LMO7: variants seen among roughly 807,000 people sequenced by gnomAD.
LMO7 encodes the protein LIM domain only protein 7.
A neutral mutation model predicts 206.5 loss-of-function variants in LMO7; 120 were observed. That is an observed-to-expected ratio of 0.58 (90% CI 0.50 to 0.68). The LOEUF is 0.68. Ranked by LOEUF, LMO7 falls within the 30% of genes least tolerant of loss-of-function variation. LMO7 has a pLI of 0.00. For synonymous variants in LMO7, 706 were observed against 681.5 expected, an observed-to-expected ratio of 1.04 and a Z score of -0.56; for missense variants, 1,959 against 1,957.9, an observed-to-expected ratio of 1.00 and a Z score of -0.01.
Position 75,849,310 on chromosome 13 carries a change from A to G in LMO7, c.4364+18A>G. 6.3e-7 allele frequency: 1 copy of G among 1,593,586 alleles called. No individual in the cohort carries two copies. The highest frequency in any genetic ancestry group is 8.6e-7 in the Non-Finnish European group (1 of 1,161,522). On this transcript the variant is annotated intron_variant, in intron 27 of 30. Coordinates refer to ENST00000377534, the MANE Select transcript of LMO7 (RefSeq NM_001306080.2). Reference sequence around the variant, plus strand: ...ATGAGAAGGTGCGAGACATCTTAGGAATTGGTTTCTTGTCTTTACTGTGAG... The same window carrying G: ...ATGAGAAGGTGCGAGACATCTTAGGGATTGGTTTCTTGTCTTTACTGTGAG...
rs1461512446 is a variant in LMO7, at chr13:75,730,948, T to A, written c.210+3850T>A. Among the ~76,000 whole-genome samples the A allele has an allele frequency of 6.7e-5, 10 of 150,088 alleles. No individual in the cohort carries two copies. In the East Asian group the frequency reaches 7.8e-4, roughly 12 times the overall value. ...ATGTAGTTGAGCGGTTTTGAGTGAGTTTCTTAATCCTGAGTTCTAGTTTGA... is the reference window on the plus strand; with the variant it reads ...ATGTAGTTGAGCGGTTTTGAGTGAGATTCTTAATCCTGAGTTCTAGTTTGA... On this transcript the variant is annotated intron_variant, in intron 3 of 30. Transcript: ENST00000377534.
chr13:75,850,627 G>T (rs1453413069), intron 27 of LMO7, among the ~76,000 whole-genome samples: 1 of 152,170 alleles, frequency 6.6e-6, no homozygotes, highest in Non-Finnish European at 1.5e-5. Context: ...AGTGAGTTAA[G>T]ACAGTAACTC....
At chr13:75,635,931 T>C (rs2138918025), upstream of LMO7, 1 of 151,512 alleles carries the variant, frequency 6.6e-6, no homozygotes, top group Admixed American at 6.6e-5. Flanking sequence ...GGGAGGTTTC[T>C]TGGCCGGGAA....
rs116752994 is a variant in LMO7, at chr13:75,718,297, G to A, written c.140+5045G>A. Among the ~76,000 whole-genome samples, 648 of 152,304 alleles carry A rather than the reference G, an allele frequency of 4.3e-3. 2 individuals are homozygous for A. Among genetic ancestry groups the A allele is most frequent in the African/African-American group, 0.015 (630 of 41,554 alleles). On this transcript the variant is annotated intron_variant, in intron 2 of 30. Coordinates refer to ENST00000377534, the MANE Select transcript of LMO7 (RefSeq NM_001306080.2). ...CTAAAGACTCATTTCAAGTTTTGCA[G>A]AAGGTTTTTAATATTGTGGCCTTAA...
chr13:75,731,746 A>G (rs990002579), intron 3 of LMO7, among the ~76,000 whole-genome samples: 1 of 152,008 alleles, frequency 6.6e-6, no homozygotes, highest in African/African-American at 2.4e-5. Flanking sequence ...ACATTTTGGC[A>G]TGATTTTGTG....
chr13:75,778,637 G>T (rs538871433), intron 4 of LMO7, among the ~76,000 whole-genome samples: 1 of 152,320 alleles, frequency 6.6e-6, no homozygotes, highest in Non-Finnish European at 1.5e-5. Context: ...GTCGTTCCAG[G>T]CGTTTCACTT....
At position 75,718,035 on chromosome 13, in the gene LMO7, A is replaced by G. The variant is rs180966139; in HGVS notation, c.140+4783A>G. ...CCCAGCAATAGGCAAACAATGGTGT[A>G]AGGGTTCAAGTTCATAAAAATGAAT... On this transcript the variant is annotated intron_variant, in intron 2 of 30. Transcript: ENST00000377534. Among the ~76,000 whole-genome samples, 19 of 152,348 alleles carry G rather than the reference A, an allele frequency of 1.2e-4. No homozygotes were observed. The East Asian group carries it at 3.7e-3, about 29-fold the overall frequency.
rs750566497 is a variant in LMO7, at chr13:75,808,062, T to A, written c.1779T>A (p.Ile593=). The change falls in exon 10 of 31, where the codon ATT becomes ATA. Residue 593 remains isoleucine (I), a synonymous_variant. Transcript: ENST00000377534. ...QKKDDMLTRK[I]QSWKLGTTVP... ...AAGATGACATGCTGACACGTAAGAT[T>A]CAGTCCTGGAAACTGGGAACTACCG... 10 of 1,614,026 alleles carry A rather than the reference T, an allele frequency of 6.2e-6. No individual in the cohort carries two copies. The highest frequency in any genetic ancestry group is 8.5e-6 in the Non-Finnish European group (10 of 1,179,888).
intron 1 of LMO7, among the ~76,000 whole-genome samples, chr13:75,697,912 G>T (rs1292062890): frequency 1.3e-5 from 2 of 152,160 alleles, no homozygotes; most frequent in Non-Finnish European, 2.9e-5. Flanking sequence ...AACTGTTTCT[G>T]CAAGTTGTTT....
chr13:75,778,190 C>G (rs2050788770), intron 4 of LMO7, among the ~76,000 whole-genome samples: 1 of 152,102 alleles, frequency 6.6e-6, no homozygotes, highest in South Asian at 2.1e-4. Context: ...CTACTTGAAA[C>G]ATTTTGTTCT....
intron 1 of LMO7, among the ~76,000 whole-genome samples, chr13:75,689,776 G>C (rs1342985934): frequency 6.6e-6 from 1 of 152,190 alleles, no homozygotes; most frequent in Non-Finnish European, 1.5e-5. Flanking sequence ...TGGCTCTCGG[G>C]CCTTCAGCCA....
In LMO7 at chr13:75,696,358, A is replaced by AAAC. The variant is rs1566319707; in HGVS notation, c.70-16822_70-16821insCAA. ...CGACAGAGTGAGACTCCATCTCAAA[A>AAAC]AAACAAACAAACAAACAAACAAACA... is the stretch of plus-strand genomic sequence containing the variant. On this transcript the variant is annotated intron_variant, in intron 1 of 30. Transcript: ENST00000377534. Among the ~76,000 whole-genome samples the AAAC allele has an allele frequency of 4.6e-3, 629 of 137,978 alleles. 5 individuals carry two copies. Among genetic ancestry groups the AAAC allele is most frequent in the African/African-American group, 0.016 (543 of 34,416 alleles). The allele number at this position is 137,978 out of a possible 152,430, so 90.5% of individuals were successfully genotyped here.
chr13:75,635,061 C>G (rs990592757), upstream of LMO7, among the ~76,000 whole-genome samples: 5 of 151,482 alleles, frequency 3.3e-5, no homozygotes, highest in Non-Finnish European at 7.4e-5. Context: ...AAAGTAAATA[C>G]AATTTAAAAA....
intron 1 of LMO7, among the ~76,000 whole-genome samples, chr13:75,682,276 T>A (rs912896481): frequency 1.3e-5 from 2 of 152,238 alleles, no homozygotes; most frequent in Admixed American, 1.3e-4. Context: ...TAGCATCCTC[T>A]GTTAGACATT....
chr13:75,714,777 G>A (rs1046675623), intron 2 of LMO7, among the ~76,000 whole-genome samples: 1 of 152,096 alleles, frequency 6.6e-6, no homozygotes, highest in East Asian at 1.9e-4. Flanking sequence ...TTTGAAAACA[G>A]TATGATTTAA....
intron 1 of LMO7, among the ~76,000 whole-genome samples, chr13:75,711,227 T>G (rs1022375277): frequency 6.6e-6 from 1 of 152,196 alleles, no homozygotes; most frequent in Non-Finnish European, 1.5e-5. Flanking sequence ...ATTTTTGCAT[T>G]GATGTTCATC....
intron 1 of LMO7, among the ~76,000 whole-genome samples, chr13:75,705,520 T>A (rs1318695707): frequency 6.6e-6 from 1 of 152,200 alleles, no homozygotes; most frequent in East Asian, 1.9e-4. Context: ...GCTGTTTGAC[T>A]ACATAGTCAT....
chr13:75,850,350 A>T (rs1385083529), intron 27 of LMO7, among the ~76,000 whole-genome samples: 3 of 152,188 alleles, frequency 2.0e-5, no homozygotes, highest in African/African-American at 7.2e-5. Flanking sequence ...ATTAAGCAAA[A>T]GTTTATATAT....
At chr13:75,855,748 G>A (rs2060880293) in intron 29 of LMO7, among the ~76,000 whole-genome samples, 1 of 152,218 alleles carries the variant, frequency 6.6e-6, no homozygotes, top group Non-Finnish European at 1.5e-5. Context: ...GCTTTGAGTA[G>A]GAAGAATATG....
Sources: gnomAD v4.1 joint callset for allele counts (sites outside exome capture counted in the v4.1 genomes callset) on GRCh38, gnomAD v4.1.1 for gene constraint, MANE v1.5 for transcripts, NCBI Gene and HGNC (gene_info 2026-07-23, HGNC 2026-07-21) for gene names.